Variants in ATG7 observed in about 807,000 individuals in gnomAD.
The protein encoded by ATG7 is ubiquitin-like modifier-activating enzyme ATG7.
Under a neutral mutation model 82.4 loss-of-function variants are expected in ATG7, and 70 were observed. The observed-to-expected ratio is 0.85, with a 90% CI of 0.70 to 1.04. ATG7 has a LOEUF of 1.04. ATG7 is among the 50% of genes least tolerant of loss of function. The pLI, the probability that ATG7 is intolerant of heterozygous loss-of-function variation, is 0.00. For synonymous variants in ATG7, 287 were observed against 313.0 expected, an observed-to-expected ratio of 0.92 and a Z score of 0.88; for missense variants, 792 against 864.3, an observed-to-expected ratio of 0.92 and a Z score of 1.05.
chr3:11,347,794 C>G, intron 13 of ATG7, 83 bp from the exon 14 acceptor site: 2 of 1,428,296 alleles, frequency 1.4e-6, no homozygotes, highest in South Asian at 3.1e-5. Flanking sequence ...TTCTCCAAAC[C>G]AATATTCTTT....
At chr3:11,407,084 A>C (rs1382287341) in intron 19 of ATG7, among the ~76,000 whole-genome samples, 1 of 152,250 alleles carries the variant, frequency 6.6e-6, no homozygotes, top group Non-Finnish European at 1.5e-5. Context: ...CTATGAGCCT[A>C]TATAAATCAA....
intron 5 of ATG7, among the ~76,000 whole-genome samples, chr3:11,305,247 TCTC>T: frequency 6.6e-6 from 1 of 152,364 alleles, no homozygotes; most frequent in South Asian, 2.1e-4. Flanking sequence ...GAAAGATGCT[TCTC>T]CTTTGAAGCT....
chr3:11,372,405 G>A lies in ATG7; in HGVS notation c.1876-7567G>A, dbSNP rs545808334. On this transcript the variant is annotated intron_variant, in intron 18 of 20. Transcript: ENST00000693202. Reference sequence around the variant, plus strand: ...AACAGGGACTTAGGGTTTTCATTTCGTACTTTTCTGCAGTGTTTTGAAAAA... The same window carrying A: ...AACAGGGACTTAGGGTTTTCATTTCATACTTTTCTGCAGTGTTTTGAAAAA... 8.6e-5 allele frequency among the ~76,000 whole-genome samples: 13 copies of A among 150,978 alleles called. 2 individuals carry two copies. Among genetic ancestry groups the A allele is most frequent in the South Asian group, 4.2e-4 (2 of 4,768 alleles).
At chr3:11,278,694 C>T (rs1374838901) in intron 1 of ATG7, among the ~76,000 whole-genome samples, 1 of 152,112 alleles carries the variant, frequency 6.6e-6, no homozygotes, top group Non-Finnish European at 1.5e-5. Flanking sequence ...TTATTGGGCA[C>T]CTATGAGGTG....
the ATG7 span, among the ~76,000 whole-genome samples, chr3:11,573,377 A>C: frequency 6.8e-6 from 1 of 146,580 alleles, no homozygotes; most frequent in Non-Finnish European, 1.5e-5. Context: ...GAAAGAAAGA[A>C]AGAAAGAAAG....
intron 9 of ATG7, 122 bp downstream of exon 9, chr3:11,315,615 T>G: frequency 1.1e-6 from 1 of 909,232 alleles, no homozygotes; most frequent in Non-Finnish European, 1.6e-6. Context: ...AAAGGATGTT[T>G]AAGAACATTT....
intron 5 of ATG7, 91 bp from the exon 6 acceptor site, chr3:11,306,852 C>A: frequency 1.1e-6 from 1 of 904,628 alleles, no homozygotes; most frequent in Non-Finnish European, 1.8e-6. Context: ...CAGAGCAATA[C>A]CCTTTTTATC....
chr3:11,321,303 G>T (rs937230539), intron 9 of ATG7, among the ~76,000 whole-genome samples: 2 of 152,286 alleles, frequency 1.3e-5, no homozygotes, highest in South Asian at 2.1e-4. Context: ...TTTGCATGTG[G>T]AGGTACTGTT....
At chr3:11,562,805 C>T in the ATG7 span, among the ~76,000 whole-genome samples, 1 of 152,272 alleles carries the variant, frequency 6.6e-6, no homozygotes, top group Non-Finnish European at 1.5e-5. Context: ...AAATGGGCAG[C>T]TTGGGGTACC....
chr3:11,573,508 C>T, the ATG7 span, among the ~76,000 whole-genome samples: 23,762 of 152,126 alleles, frequency 0.16, 1,903 homozygotes, highest in South Asian at 0.26. Flanking sequence ...GACTTCAACA[C>T]ATGTGACCAG....
chr3:11,496,240 T>C (rs577522770), intron 20 of ATG7, among the ~76,000 whole-genome samples: 2 of 152,300 alleles, frequency 1.3e-5, no homozygotes, highest in African/African-American at 4.8e-5. Flanking sequence ...TCTCCAAGCG[T>C]TTCCACTGCT....
At chr3:11,513,460 C>T (rs958112260) in intron 20 of ATG7, among the ~76,000 whole-genome samples, 20 of 152,234 alleles carry the variant, frequency 1.3e-4, no homozygotes, top group East Asian at 5.8e-4. Context: ...GGGGACCCAG[C>T]GCACCCTCTG....
chr3:11,393,235 T>C (rs2078960136), intron 19 of ATG7, among the ~76,000 whole-genome samples: 1 of 152,170 alleles, frequency 6.6e-6, no homozygotes. Flanking sequence ...TATATTGAAT[T>C]CTATTGTTTT....
In ATG7 at chr3:11,380,055, A is replaced by C. The variant is rs746570670; in HGVS notation, c.1956+3A>C. The C allele has an allele frequency of 7.4e-6, 12 of 1,613,272 alleles. No homozygotes were observed. Among genetic ancestry groups the C allele is most frequent in the Non-Finnish European group, 1.0e-5 (12 of 1,179,202 alleles). On this transcript the variant is annotated splice_donor_region_variant and intron_variant, in intron 19 of 20. Coordinates refer to ENST00000693202, the MANE Select transcript of ATG7 (RefSeq NM_001349232.2). Reference sequence around the variant, plus strand: ...AATGTACAGCTTGTTCTTCCAAAGTAAGTCATTTTGTATTGGAGGGACTTG... The same window carrying C: ...AATGTACAGCTTGTTCTTCCAAAGTCAGTCATTTTGTATTGGAGGGACTTG...
intron 20 of ATG7, among the ~76,000 whole-genome samples, chr3:11,481,464 C>G (rs139403962): frequency 2.2e-4 from 33 of 152,252 alleles, no homozygotes; most frequent in African/African-American, 7.7e-4. Flanking sequence ...CCACAAAGAC[C>G]TAGAATTTCA....
intron 9 of ATG7, among the ~76,000 whole-genome samples, chr3:11,326,460 G>C (rs959020824): frequency 6.6e-6 from 1 of 151,916 alleles, no homozygotes; most frequent in Non-Finnish European, 1.5e-5. Context: ...CATCATGCCC[G>C]GCTAATTTTT....
At chr3:11,574,983 G>C in the ATG7 span, among the ~76,000 whole-genome samples, 1 of 151,964 alleles carries the variant, frequency 6.6e-6, no homozygotes, top group South Asian at 2.1e-4. Context: ...GGTAGTGTTT[G>C]GGGAGGATGA....
intron 18 of ATG7, among the ~76,000 whole-genome samples, chr3:11,368,737 CAAA>C (rs11348094): frequency 3.1e-4 from 41 of 132,886 alleles, no homozygotes; most frequent in Admixed American, 3.1e-4. Flanking sequence ...GTCCCTGTCT[CAAA>C]AAAAAAAAAA....
intron 19 of ATG7, among the ~76,000 whole-genome samples, chr3:11,411,316 T>C (rs2080869669): frequency 6.6e-6 from 1 of 152,150 alleles, no homozygotes; most frequent in African/African-American, 2.4e-5. Flanking sequence ...GAATTACCTG[T>C]ATGTTCTGTA....
Sources: allele counts gnomAD v4.1 joint callset (sites outside exome capture counted in the v4.1 genomes callset), GRCh38; gene constraint gnomAD v4.1.1; transcripts MANE v1.5; gene names NCBI Gene and HGNC (gene_info 2026-07-23, HGNC 2026-07-21).